ARHGAP35: variants seen among roughly 807,000 people sequenced by gnomAD.
The protein encoded by ARHGAP35 is Rho GTPase activating protein 35.
A neutral mutation model predicts 111.1 loss-of-function variants in ARHGAP35; 15 were observed. That is an observed-to-expected ratio of 0.13 (90% confidence interval 0.09 to 0.21). The LOEUF (loss-of-function observed/expected upper bound fraction) is 0.21, where lower values mean the gene tolerates loss of function less well. Among genes scored for constraint, ARHGAP35 ranks in the 10% least tolerant of loss-of-function variants. The probability of loss-of-function intolerance (pLI) is 1.00; values close to 1 mark genes in which losing one functional copy is unlikely to be tolerated. For missense variants in ARHGAP35, 1,262 were observed against 1,873.0 expected (o/e 0.67, Z 6.02); for synonymous variants, 643 against 710.3 (o/e 0.91, Z 1.51).
At position 46,879,699 on chromosome 19, in the gene ARHGAP35, G is replaced by A. The variant is rs1306148403; in HGVS notation, c.-189+18490G>A. Reference sequence around the variant, plus strand: ...CTCAGGAGGGTGAGGCAGGAGAATCGCTTGAACCCGGGAGGCTGAGGTTAC... The same window carrying A: ...CTCAGGAGGGTGAGGCAGGAGAATCACTTGAACCCGGGAGGCTGAGGTTAC... On this transcript the variant is annotated intron_variant, in intron 1 of 6. Transcript: ENST00000672722. 3.3e-5 allele frequency among the ~76,000 whole-genome samples: 5 copies of A among 149,372 alleles called. No homozygotes were observed. In the South Asian group the frequency reaches 6.4e-4, roughly 19 times the overall value.
intron 1 of ARHGAP35, among the ~76,000 whole-genome samples, chr19:46,892,164 C>T (rs1374728172): frequency 6.7e-6 from 1 of 148,320 alleles, no homozygotes; most frequent in Non-Finnish European, 1.5e-5. Flanking sequence ...TTAGCCAGGC[C>T]TGGTGGCATG....
At chr19:46,965,113 G>T (rs1001170571) in intron 3 of ARHGAP35, among the ~76,000 whole-genome samples, 1 of 152,182 alleles carries the variant, frequency 6.6e-6, no homozygotes, top group Admixed American at 6.5e-5. Context: ...AGGAGTTTGA[G>T]ACCAGCCTGG....
intron 3 of ARHGAP35, chr19:46,947,201 C>T (rs2122240284): frequency 6.6e-6 from 1 of 152,228 alleles, no homozygotes; most frequent in South Asian, 2.1e-4. Context: ...TATTTATTGA[C>T]TTTATATTAA....
At chr19:46,874,187 A>G (rs972630883) in intron 1 of ARHGAP35, among the ~76,000 whole-genome samples, 1 of 152,222 alleles carries the variant, frequency 6.6e-6, no homozygotes, top group Non-Finnish European at 1.5e-5. Context: ...GGATAGAGGT[A>G]GAGGTCTAGG....
At chr19:46,881,503 T>C (rs2055962424) in intron 1 of ARHGAP35, among the ~76,000 whole-genome samples, 1 of 152,200 alleles carries the variant, frequency 6.6e-6, no homozygotes, top group South Asian at 2.1e-4. Flanking sequence ...GCCTTGTCAA[T>C]GAGCAGTAAT....
chr19:46,868,203 A>C (rs1056940607), intron 1 of ARHGAP35, among the ~76,000 whole-genome samples: 1 of 152,210 alleles, frequency 6.6e-6, no homozygotes, highest in Non-Finnish European at 1.5e-5. Flanking sequence ...TACTTGCTGC[A>C]TTGTAAATTT....
intron 1 of ARHGAP35, among the ~76,000 whole-genome samples, chr19:46,866,508 T>C (rs2055858104): frequency 6.6e-6 from 1 of 152,202 alleles, no homozygotes; most frequent in Non-Finnish European, 1.5e-5. Context: ...TTGACCTCTC[T>C]GGGCTTCACC....
intron 3 of ARHGAP35, among the ~76,000 whole-genome samples, chr19:46,939,488 C>T (rs1166593366): frequency 6.6e-6 from 1 of 151,986 alleles, no homozygotes; most frequent in Non-Finnish European, 1.5e-5. Context: ...AGACTCACTG[C>T]AACCTCTGCC....
chr19:46,893,560 A>C (rs1278960773), intron 1 of ARHGAP35, among the ~76,000 whole-genome samples: 1 of 151,960 alleles, frequency 6.6e-6, no homozygotes, highest in African/African-American at 2.4e-5. Flanking sequence ...ATGAGAAAGC[A>C]CTTTAAAGAT....
Position 46,901,546 on chromosome 19 carries a change from T to C in ARHGAP35, c.-188-16942T>C, listed in dbSNP as rs2056083596. ...GCACTCCAGCCTGGGTGACAGAGCT[T>C]AGACTCTGTCTCACACAAAAAAAAT... On this transcript the variant is annotated intron_variant, in intron 1 of 6. Coordinates refer to ENST00000672722, the MANE Select transcript of ARHGAP35 (RefSeq NM_004491.5). This position sits in a 1 kb window ranked among gnomAD's most constrained non-coding sequence, Gnocchi z 4.5. Among the ~76,000 whole-genome samples, 1 of 152,050 alleles carries C rather than the reference T, an allele frequency of 6.6e-6. No individual in the cohort carries two copies. The highest frequency in any genetic ancestry group is 1.5e-5 in the Non-Finnish European group (1 of 67,988).
At chr19:46,967,944 G>A (rs1371600780) in intron 3 of ARHGAP35, among the ~76,000 whole-genome samples, 2 of 152,166 alleles carry the variant, frequency 1.3e-5, no homozygotes, top group Non-Finnish European at 2.9e-5. Flanking sequence ...TCCCTGCCAT[G>A]TCTGTCACGC....
chr19:46,921,399 G>A lies in ARHGAP35; in HGVS notation c.2724G>A (p.Gly908=), dbSNP rs781454606. The change falls in exon 2 of 7, where the codon GGG becomes GGA. Residue 908 remains glycine, a synonymous_variant. Transcript: ENST00000672722. This position sits in a 1 kb window ranked among gnomAD's most constrained non-coding sequence, Gnocchi z 4.3. The part of the protein sequence containing the change: ...NDLSREQLTE[G]EEIAQEIDGR... ...TAAGTAGGGAACAGCTAACTGAGGG[G>A]GAGGAGATTGCTCAAGAAATTGACG... The A allele has an allele frequency of 1.2e-6, 2 of 1,613,960 alleles. No individual in the cohort carries two copies. The highest frequency in any genetic ancestry group is 1.1e-5 in the South Asian group (1 of 91,088).
At position 46,905,612 on chromosome 19, in the gene ARHGAP35, C is replaced by A. The variant is rs183511334; in HGVS notation, c.-188-12876C>A. On this transcript the variant is annotated intron_variant, in intron 1 of 6. Transcript: ENST00000672722. ...TCACCCAGGCTGGAGTGCAATGGCG[C>A]GATCTCAGCTCACTGCAACCTCCAC... 4.3e-3 allele frequency among the ~76,000 whole-genome samples: 653 copies of A among 151,236 alleles called. 5 individuals are homozygous for A. The highest frequency in any genetic ancestry group is 0.015 in the African/African-American group (612 of 40,912).
intron 1 of ARHGAP35, among the ~76,000 whole-genome samples, chr19:46,900,053 C>G (rs1468264098): frequency 6.6e-6 from 1 of 152,012 alleles, no homozygotes; most frequent in Non-Finnish European, 1.5e-5. Flanking sequence ...TGTTGATTAC[C>G]TTATGCTCTT....
At position 46,994,881 on chromosome 19, in the gene ARHGAP35, T is replaced by C. The variant is rs547633657; in HGVS notation, c.4037-4423T>C. Among the ~76,000 whole-genome samples, 1 of 152,214 alleles carries C rather than the reference T, an allele frequency of 6.6e-6. No homozygotes were observed. The highest frequency in any genetic ancestry group is 1.5e-5 in the Non-Finnish European group (1 of 67,992). On this transcript the variant is annotated intron_variant, in intron 5 of 6. Coordinates refer to ENST00000672722, the MANE Select transcript of ARHGAP35 (RefSeq NM_004491.5). The surrounding 1 kb of genome is among the most constrained non-coding windows in gnomAD (Gnocchi z 5.4). ...AATCCGAGAATGAAAGAATTCGCAT[T>C]GTCTGACAAGGCAAGAATGGGGCGC...
intron 2 of ARHGAP35, among the ~76,000 whole-genome samples, chr19:46,936,418 C>T (rs978421266): frequency 1.3e-5 from 2 of 152,108 alleles, no homozygotes; most frequent in African/African-American, 2.4e-5. Context: ...TTTACCTTTT[C>T]CTAATGTGGA....
chr19:46,969,838 A>G (rs1320493907), intron 3 of ARHGAP35, among the ~76,000 whole-genome samples: 1 of 151,884 alleles, frequency 6.6e-6, no homozygotes, highest in Non-Finnish European at 1.5e-5. Context: ...TGCCCTCTGT[A>G]TTTTCCTAGG....
intron 1 of ARHGAP35, among the ~76,000 whole-genome samples, chr19:46,870,385 G>A (rs1007973616): frequency 1.3e-5 from 2 of 151,702 alleles, no homozygotes; most frequent in Non-Finnish European, 2.9e-5. Context: ...CGAGACCACC[G>A]TGGCTAATAC....
intron 1 of ARHGAP35, among the ~76,000 whole-genome samples, chr19:46,896,980 G>A (rs1313546714): frequency 1.3e-4 from 19 of 151,672 alleles, no homozygotes; most frequent in Admixed American, 8.5e-4. Flanking sequence ...TGCAACCTCC[G>A]CCTCCCAGGC....
Sources: gnomAD v4.1 joint callset for allele counts (sites outside exome capture counted in the v4.1 genomes callset) on GRCh38, gnomAD v4.1.1 for gene constraint, Gnocchi (gnomAD v3.1) non-coding constraint, MANE v1.5 for transcripts, NCBI Gene and HGNC (gene_info 2026-07-23, HGNC 2026-07-21) for gene names.